Variants in SPATA9 observed in about 807,000 individuals in gnomAD.
SPATA9 encodes the protein spermatogenesis associated 9, also known as spermatogenesis-associated protein 9.
SPATA9 carries 27 observed loss-of-function variants against 25.5 expected under a neutral mutation model. The ratio of observed to expected loss-of-function variants is 1.06; its 90% CI spans 0.78 to 1.46. The LOEUF (loss-of-function observed/expected upper bound fraction) is 1.46, where lower values mean the gene tolerates loss of function less well. Among genes scored for constraint, SPATA9 ranks in the 40% most tolerant of loss-of-function variants. The probability of loss-of-function intolerance (pLI) is 0.00; values close to 1 mark genes in which losing one functional copy is unlikely to be tolerated. For synonymous variants in SPATA9, 102 were observed against 105.7 expected (o/e 0.97, Z 0.21); for missense variants, 282 against 297.5 (o/e 0.95, Z 0.38).
At chr5:95,654,351 A>C, downstream of SPATA9, 7 of 1,606,388 alleles carry the variant, frequency 4.4e-6, no homozygotes, top group Non-Finnish European at 6.0e-6. Context: ...GGACCTTTAC[A>C]TTTGGGAGAT....
upstream of SPATA9, among the ~76,000 whole-genome samples, chr5:95,685,457 C>T (rs758470130): frequency 2.0e-4 from 31 of 152,146 alleles, no homozygotes; most frequent in Non-Finnish European, 3.8e-4. Context: ...TTGTTGTTGG[C>T]CTTAGATCAA....
intron 1 of SPATA9, among the ~76,000 whole-genome samples, chr5:95,694,968 ACTAAT>A (rs921232243): frequency 1.3e-4 from 20 of 152,310 alleles, no homozygotes; most frequent in African/African-American, 2.9e-4. Context: ...ATTGAAAGCT[ACTAAT>A]CTAAGTATTT....
chr5:95,655,125 A>C (rs561504234), downstream of SPATA9, among the ~76,000 whole-genome samples: 35 of 152,252 alleles, frequency 2.3e-4, no homozygotes, highest in African/African-American at 8.2e-4. Flanking sequence ...ATGAGTGTAC[A>C]CACCTGTCCT....
upstream of SPATA9, among the ~76,000 whole-genome samples, chr5:95,686,869 A>G (rs144401838): frequency 1.2e-4 from 19 of 152,320 alleles, no homozygotes; most frequent in East Asian, 3.7e-3. Flanking sequence ...GATGGGAGGA[A>G]AAGATAAGCC....
chr5:95,697,831 G>A (rs187534313), intron 1 of SPATA9, among the ~76,000 whole-genome samples: 3 of 149,016 alleles, frequency 2.0e-5, no homozygotes, highest in South Asian at 2.1e-4. Flanking sequence ...CCATAGTTGG[G>A]TGTTTTTGTC....
chr5:95,697,030 T>C (rs1014999026), intron 1 of SPATA9, among the ~76,000 whole-genome samples: 2 of 152,240 alleles, frequency 1.3e-5, no homozygotes, highest in African/African-American at 2.4e-5. Context: ...ATTTGAATAA[T>C]ATTGGTTCTC....
In SPATA9 at chr5:95,663,962, T is replaced by G; in HGVS notation, c.465A>C (p.Leu155=). Residue 155 remains leucine, a synonymous_variant, in exon 4 of 5, where the codon CTA becomes CTC. Transcript: ENST00000274432. ...TSIIYASYAA[L]IYLAVCVNAV... Reference sequence around the variant, plus strand: ...AATTTTCTTAACTTACCAAATAAATTAGTGCTGCATATGAAGCATATATTA... The same window carrying G: ...AATTTTCTTAACTTACCAAATAAATGAGTGCTGCATATGAAGCATATATTA... 1 of 1,539,414 alleles carries G rather than the reference T, an allele frequency of 6.5e-7. No individual in the cohort carries two copies. The highest frequency in any genetic ancestry group is 8.8e-7 in the Non-Finnish European group (1 of 1,138,366).
chr5:95,722,981 T>C, the SPATA9 span, among the ~76,000 whole-genome samples: 1 of 152,184 alleles, frequency 6.6e-6, no homozygotes. Context: ...AAAACATCAC[T>C]GAGCACAATG....
chr5:95,712,152 G>A, the SPATA9 span, among the ~76,000 whole-genome samples: 8 of 152,220 alleles, frequency 5.3e-5, no homozygotes, highest in African/African-American at 1.7e-4. Flanking sequence ...TAAGTTGGGC[G>A]TGGGGACATT....
chr5:95,690,433 G>A (rs923040277), intron 1 of SPATA9, among the ~76,000 whole-genome samples: 5 of 152,182 alleles, frequency 3.3e-5, no homozygotes, highest in African/African-American at 1.2e-4. Flanking sequence ...GGCAGGATAA[G>A]CACAAGGTGA....
downstream of SPATA9, chr5:95,653,972 C>G (rs550418632): frequency 1.8e-5 from 19 of 1,028,886 alleles, no homozygotes; most frequent in East Asian, 7.6e-5. Flanking sequence ...TTGAAAAGTC[C>G]GAACTATTCA....
chr5:95,722,796 T>C, the SPATA9 span, among the ~76,000 whole-genome samples: 27 of 152,330 alleles, frequency 1.8e-4, no homozygotes, highest in East Asian at 1.3e-3. Flanking sequence ...AAGAGTCTTA[T>C]CGCTTTTCAA....
downstream of SPATA9, chr5:95,654,148 T>C (rs1750556829): frequency 1.2e-6 from 2 of 1,612,494 alleles, no homozygotes; most frequent in Non-Finnish European, 1.7e-6. Flanking sequence ...TTAAAAAATC[T>C]GAAAGAATGA....
rs1355504834 is a variant in SPATA9 at position 95,658,684 on chromosome 5, T to C, written c.704A>G (p.Asn235Ser). 1.9e-6 allele frequency: 3 copies of C among 1,613,806 alleles called. No individual in the cohort carries two copies. The highest frequency in any genetic ancestry group is 1.3e-5 in the African/African-American group (1 of 75,010). Residue 235 changes from asparagine (N) to serine (S), a missense_variant, in exon 5 of 5, where the codon AAT becomes AGT. Physicochemically the swap from Asn to Ser is conservative, Grantham distance 46. Transcript: ENST00000274432. ...CACAGAATGTAAAACTTGGATGTTA[T>C]TACTCTGCTTATTAGCAAGAAGCTT... ...YPKLLANKQS[N>S]NIQVLHSVFD...
At chr5:95,724,619 C>G in the SPATA9 span, among the ~76,000 whole-genome samples, 4 of 152,324 alleles carry the variant, frequency 2.6e-5, no homozygotes, top group East Asian at 7.7e-4. Context: ...GCTCCCACCA[C>G]CACGCCCGGC....
upstream of SPATA9, among the ~76,000 whole-genome samples, chr5:95,686,128 G>A (rs1432820503): frequency 2.6e-5 from 4 of 152,114 alleles, no homozygotes; most frequent in South Asian, 4.1e-4. Flanking sequence ...GTGAGCCACC[G>A]TGCCCAGTCA....
chr5:95,706,500 T>C, the SPATA9 span, among the ~76,000 whole-genome samples: 1 of 151,996 alleles, frequency 6.6e-6, no homozygotes, highest in Non-Finnish European at 1.5e-5. Flanking sequence ...AGCAGAATCC[T>C]GTACAGCCTG....
chr5:95,661,443 A>G (rs1475278894), intron 4 of SPATA9, among the ~76,000 whole-genome samples: 1 of 152,124 alleles, frequency 6.6e-6, no homozygotes, highest in East Asian at 1.9e-4. Flanking sequence ...TCAGATCACC[A>G]AAAATTTGTT....
chr5:95,696,196 C>A (rs1754017571), intron 1 of SPATA9, among the ~76,000 whole-genome samples: 1 of 152,126 alleles, frequency 6.6e-6, no homozygotes. Flanking sequence ...GGACTCCTGA[C>A]CCACAGAAAC....
Sources: gnomAD v4.1 joint callset for allele counts (sites outside exome capture counted in the v4.1 genomes callset) on GRCh38, gnomAD v4.1.1 for gene constraint, MANE v1.5 for transcripts, NCBI Gene and HGNC (gene_info 2026-07-23, HGNC 2026-07-21) for gene names.